Variants in KCNH7 observed in about 807,000 individuals in gnomAD.
The protein encoded by KCNH7 is voltage-gated inwardly rectifying potassium channel KCNH7.
Under a neutral mutation model 120.8 loss-of-function variants are expected in KCNH7, and 49 were observed. That is an observed-to-expected ratio of 0.41 (90% CI 0.32 to 0.51). The LOEUF is 0.51. Among genes scored for constraint, KCNH7 ranks in the 20% least tolerant of loss-of-function variants. The pLI is 0.38. For missense variants in KCNH7, 1,097 were observed against 1,446.6 expected (o/e 0.76, Z 3.92); for synonymous variants, 547 against 516.1 (o/e 1.06, Z -0.81).
rs1181075124 is a variant in KCNH7 at position 162,765,888 on chromosome 2, T to C, written c.307+70649A>G. Among the ~76,000 whole-genome samples, 3 of 152,114 alleles carry C rather than the reference T, an allele frequency of 2.0e-5. No individual in the cohort carries two copies. In the East Asian group the frequency reaches 5.8e-4, roughly 29 times the overall value. ...GATCCTCCGGCCTCAGCCTCCCAAG[T>C]GTCGGGGACCATGCCCCACCAAGCC... On this transcript the variant is annotated intron_variant, in intron 2 of 15. Coordinates refer to ENST00000332142, the MANE Select transcript of KCNH7 (RefSeq NM_033272.4).
Position 162,521,847 on chromosome 2 carries a change from T to C in KCNH7, c.464-3689A>G, listed in dbSNP as rs141396433. On this transcript the variant is annotated intron_variant, in intron 3 of 15. Coordinates refer to ENST00000332142, the MANE Select transcript of KCNH7 (RefSeq NM_033272.4). ...AAGTGCTACCAAACACAAGATCTAA[T>C]TCCTTGTATCTAACTACATTTTGGT... 3.6e-3 allele frequency among the ~76,000 whole-genome samples: 552 copies of C among 151,990 alleles called. 4 individuals are homozygous for C. The highest frequency in any genetic ancestry group is 0.013 in the African/African-American group (537 of 41,534).
chr2:162,682,929 C>A (rs765768351), intron 2 of KCNH7, among the ~76,000 whole-genome samples: 7 of 151,720 alleles, frequency 4.6e-5, no homozygotes, highest in Non-Finnish European at 8.8e-5. Context: ...TCAAGAAAGA[C>A]TTTTTATAGT....
In KCNH7 at chr2:162,504,621, G is replaced by C. The variant is rs781197452; in HGVS notation, c.950C>G (p.Ser317Cys). The change falls in exon 6 of 16, where the codon TCC becomes TGC. Residue 317 changes from serine to cysteine, a missense_variant. Ser to Cys is a moderately radical substitution (Grantham distance 112). Coordinates refer to ENST00000332142, the MANE Select transcript of KCNH7 (RefSeq NM_033272.4). ...FNHIKSSLLG[S>C]TSDSNLNKYS... ...TTTGTTGAGGTTTGAATCTGATGTG[G>C]ATCCCAGGAGGCTTGACTTGATATG... 1 of 1,612,362 alleles carries C rather than the reference G, an allele frequency of 6.2e-7. No individual in the cohort carries two copies. The highest frequency in any genetic ancestry group is 8.5e-7 in the Non-Finnish European group (1 of 1,178,876).
At chr2:162,801,875 C>T (rs1359421449) in intron 2 of KCNH7, among the ~76,000 whole-genome samples, 1 of 151,712 alleles carries the variant, frequency 6.6e-6, no homozygotes, top group Non-Finnish European at 1.5e-5. Flanking sequence ...TCCTTACAGC[C>T]TCAGTACATC....
chr2:162,818,777 G>C (rs988279978), intron 2 of KCNH7, among the ~76,000 whole-genome samples: 1 of 151,882 alleles, frequency 6.6e-6, no homozygotes, highest in African/African-American at 2.4e-5. Flanking sequence ...TATTCTATTG[G>C]TGCTATTTAC....
At chr2:162,783,356 T>A (rs1683575794) in intron 2 of KCNH7, among the ~76,000 whole-genome samples, 1 of 152,164 alleles carries the variant, frequency 6.6e-6, no homozygotes, top group Non-Finnish European at 1.5e-5. Flanking sequence ...CCTGAAATAG[T>A]GCATTTGCAG....
chr2:162,516,818 C>T (rs906473116), intron 4 of KCNH7, among the ~76,000 whole-genome samples: 4 of 151,730 alleles, frequency 2.6e-5, no homozygotes, highest in East Asian at 2.0e-4. Context: ...ACTATGGAGA[C>T]AGGCAGTCCT....
chr2:162,739,815 G>A (rs1162754556), intron 2 of KCNH7, among the ~76,000 whole-genome samples: 1 of 152,170 alleles, frequency 6.6e-6, no homozygotes, highest in African/African-American at 2.4e-5. Flanking sequence ...TGAAAGATAT[G>A]ATCATTCAGA....
intron 9 of KCNH7, among the ~76,000 whole-genome samples, chr2:162,412,890 A>T (rs1687431042): frequency 6.6e-6 from 1 of 152,294 alleles, no homozygotes; most frequent in South Asian, 2.1e-4. Flanking sequence ...AATTATTAGT[A>T]AATCTTGATA....
intron 6 of KCNH7, among the ~76,000 whole-genome samples, chr2:162,500,109 C>T (rs1357676022): frequency 2.0e-5 from 3 of 149,174 alleles, no homozygotes; most frequent in Non-Finnish European, 4.4e-5. Flanking sequence ...TGTGTTTATA[C>T]ATTATATATG....
intron 2 of KCNH7, among the ~76,000 whole-genome samples, chr2:162,740,275 G>T (rs906855790): frequency 3.3e-5 from 5 of 152,176 alleles, no homozygotes; most frequent in Non-Finnish European, 7.4e-5. Flanking sequence ...TACAAAAATG[G>T]GTCTGGAGCA....
intron 2 of KCNH7, among the ~76,000 whole-genome samples, chr2:162,596,507 A>G (rs1355070031): frequency 2.0e-5 from 3 of 152,054 alleles, no homozygotes; most frequent in Non-Finnish European, 1.5e-5. Flanking sequence ...CTCTACATGC[A>G]CAATAATGAA....
At chr2:162,663,153 T>C (rs1023817235) in intron 2 of KCNH7, among the ~76,000 whole-genome samples, 1 of 152,224 alleles carries the variant, frequency 6.6e-6, no homozygotes, top group Non-Finnish European at 1.5e-5. Flanking sequence ...ATCTGTAAAA[T>C]CAGTAATTGC....
rs182244118 is a variant in KCNH7 at position 162,423,726 on chromosome 2, A to C, written c.1955-191T>G. 3.9e-5 allele frequency among the ~76,000 whole-genome samples: 6 copies of C among 152,310 alleles called. No homozygotes were observed. In the East Asian group the frequency reaches 1.2e-3, roughly 29 times the overall value. On this transcript the variant is annotated intron_variant, in intron 8 of 15. Coordinates refer to ENST00000332142, the MANE Select transcript of KCNH7 (RefSeq NM_033272.4). ...ATTTTAGTGATAAAGCTGGAGAGGG[A>C]AAGTATCCAAATTCATCATGGATTC...
intron 2 of KCNH7, among the ~76,000 whole-genome samples, chr2:162,704,657 A>G (rs1189792965): frequency 1.3e-5 from 2 of 152,204 alleles, no homozygotes; most frequent in Non-Finnish European, 2.9e-5. Context: ...CCTACTGGGC[A>G]ATGGGAAAGC....
chr2:162,511,574 A>G (rs1691075415), intron 5 of KCNH7, among the ~76,000 whole-genome samples: 1 of 151,578 alleles, frequency 6.6e-6, no homozygotes, highest in Non-Finnish European at 1.5e-5. Flanking sequence ...AGTGCCTACA[A>G]AATAAAATTG....
At chr2:162,801,518 C>T (rs1684350504) in intron 2 of KCNH7, among the ~76,000 whole-genome samples, 1 of 151,632 alleles carries the variant, frequency 6.6e-6, no homozygotes, top group South Asian at 2.1e-4. Flanking sequence ...AATAATTCAG[C>T]ACCACAAAAA....
intron 6 of KCNH7, among the ~76,000 whole-genome samples, chr2:162,471,894 A>G (rs1354503668): frequency 7.2e-5 from 11 of 151,836 alleles, no homozygotes; most frequent in Non-Finnish European, 1.3e-4. Context: ...ACAGAGATAT[A>G]GACCAATGGA....
chr2:162,446,498 T>C, intron 6 of KCNH7, 55 bp from the exon 7 acceptor site: 2 of 1,299,760 alleles, frequency 1.5e-6, no homozygotes, highest in South Asian at 1.5e-5. Flanking sequence ...TTTAATCTGG[T>C]AAACCTATCA....
Sources: allele counts gnomAD v4.1 joint callset (sites outside exome capture counted in the v4.1 genomes callset), GRCh38; gene constraint gnomAD v4.1.1; transcripts MANE v1.5; gene names NCBI Gene and HGNC (gene_info 2026-07-23, HGNC 2026-07-21).